The following GLYR1 variants were observed in gnomAD, a reference collection of about 807,000 sequenced individuals.
The protein encoded by GLYR1 is glyoxylate reductase 1 homolog.
In GLYR1, 21 loss-of-function variants were observed where a neutral mutation model predicts 72.7. That is an observed-to-expected ratio of 0.29 (90% CI 0.20 to 0.42). The LOEUF is 0.42. GLYR1 is among the 10% of genes least tolerant of loss of function. The pLI is 1.00. For missense variants in GLYR1, 594 were observed against 712.1 expected (o/e 0.83, Z 1.89); for synonymous variants, 392 against 270.2 (o/e 1.45, Z -4.42).
At chr16:4,813,920 T>A in intron 11 of GLYR1, 82 bp from the exon 12 acceptor site, 1 of 1,068,538 alleles carries the variant, frequency 9.4e-7, no homozygotes, top group Non-Finnish European at 1.3e-6. Flanking sequence ...ATCAGAATCC[T>A]GCTGCTGTTT....
chr16:4,822,573 T>C (rs185867938), intron 7 of GLYR1, among the ~76,000 whole-genome samples: 1 of 152,264 alleles, frequency 6.6e-6, no homozygotes, highest in African/African-American at 2.4e-5. Context: ...CTATTTTTAG[T>C]AGAGATGAGG....
chr16:4,838,611 G>C (rs11076850), intron 3 of GLYR1, among the ~76,000 whole-genome samples: 12,821 of 150,586 alleles, frequency 0.085, 559 homozygotes, highest in African/African-American at 0.11. Context: ...TTTTGAGACA[G>C]AGTCTCACTC....
chr16:4,834,605 A>T (rs1029211123), intron 3 of GLYR1, among the ~76,000 whole-genome samples: 1 of 152,124 alleles, frequency 6.6e-6, no homozygotes, highest in Non-Finnish European at 1.5e-5. Flanking sequence ...TGCTGGGACT[A>T]CAGGTATGCA....
chr16:4,829,194 C>T (rs983465911), intron 5 of GLYR1, among the ~76,000 whole-genome samples: 2 of 152,076 alleles, frequency 1.3e-5, no homozygotes, highest in Non-Finnish European at 2.9e-5. Flanking sequence ...GGCTGTCTCT[C>T]ACCAGAGGCC....
At chr16:4,840,863 T>C (rs987085996) in intron 3 of GLYR1, among the ~76,000 whole-genome samples, 2 of 152,212 alleles carry the variant, frequency 1.3e-5, no homozygotes, top group Non-Finnish European at 2.9e-5. Context: ...CTGGAGATCT[T>C]ACCTTCATAG....
Position 4,811,199 on chromosome 16 carries a change from G to T in GLYR1, c.1558C>A (p.Pro520Thr). The change falls in exon 15 of 16, where the codon CCG becomes ACG. Residue 520 changes from proline to threonine, a missense_variant. Coordinates refer to ENST00000321919, the MANE Select transcript of GLYR1 (RefSeq NM_032569.4). ...AIALGDAVNH[P>T]TPMAAAANEV... ...TTTGCTGCAGCTGCCATGGGAGTCGGATGGTTGACCGCATCACCCAGCGCA... is the reference window on the plus strand; with the variant it reads ...TTTGCTGCAGCTGCCATGGGAGTCGTATGGTTGACCGCATCACCCAGCGCA... 1 of 1,614,150 alleles carries T rather than the reference G, an allele frequency of 6.2e-7. No homozygotes were observed. Among genetic ancestry groups the T allele is most frequent in the Non-Finnish European group, 8.5e-7 (1 of 1,180,038 alleles).
intron 1 of GLYR1, 117 bp downstream of exon 1, chr16:4,847,111 C>T: frequency 8.2e-6 from 8 of 976,638 alleles, no homozygotes; most frequent in Non-Finnish European, 1.1e-5. Flanking sequence ...ACCTTCTCTT[C>T]CCCTCTCTCC....
chr16:4,835,254 G>C (rs898026078), intron 3 of GLYR1, among the ~76,000 whole-genome samples: 1 of 152,152 alleles, frequency 6.6e-6, no homozygotes. Flanking sequence ...GGAACAGAAA[G>C]GTGAGGATGT....
chr16:4,812,958 G>A (rs1314995640), intron 12 of GLYR1, among the ~76,000 whole-genome samples: 1 of 149,668 alleles, frequency 6.7e-6, no homozygotes, highest in Non-Finnish European at 1.5e-5. Flanking sequence ...CACCATGCCT[G>A]GCTAATTTTT....
At chr16:4,841,595 T>C (rs1465250853) in intron 3 of GLYR1, among the ~76,000 whole-genome samples, 1 of 150,190 alleles carries the variant, frequency 6.7e-6, no homozygotes, top group Non-Finnish European at 1.5e-5. Flanking sequence ...CAGTAAGCCA[T>C]GTCCGTGATA....
intron 6 of GLYR1, among the ~76,000 whole-genome samples, 157 bp downstream of exon 6, chr16:4,823,664 G>A (rs62036110): frequency 1.7e-4 from 25 of 150,056 alleles, no homozygotes; most frequent in African/African-American, 5.9e-4. Context: ...ACCCTAGAGG[G>A]AAATTTTTAA....
chr16:4,830,936 C>T (rs1319834924), intron 5 of GLYR1, among the ~76,000 whole-genome samples: 1 of 152,132 alleles, frequency 6.6e-6, no homozygotes, highest in Admixed American at 6.5e-5. Flanking sequence ...TACCCTTTTA[C>T]AAATTCACCT....
intron 5 of GLYR1, among the ~76,000 whole-genome samples, chr16:4,830,241 T>A (rs557769593): frequency 8.6e-4 from 127 of 147,060 alleles, no homozygotes; most frequent in African/African-American, 3.0e-3. Flanking sequence ...TTTTTTTTTT[T>A]AAGGGAAAGG....
intron 5 of GLYR1, among the ~76,000 whole-genome samples, chr16:4,829,900 C>T (rs181299362): frequency 1.3e-5 from 2 of 151,976 alleles, no homozygotes; most frequent in African/African-American, 4.8e-5. Context: ...CTCGAACTCC[C>T]GACCTGAGGT....
intron 15 of GLYR1, among the ~76,000 whole-genome samples, chr16:4,808,360 G>A (rs1167948619): frequency 6.6e-6 from 1 of 152,190 alleles, no homozygotes; most frequent in African/African-American, 2.4e-5. Flanking sequence ...ACTTAGGTAG[G>A]CTGAGGTGGG....
intron 7 of GLYR1, among the ~76,000 whole-genome samples, chr16:4,822,401 T>A (rs560435408): frequency 6.6e-6 from 1 of 151,096 alleles, no homozygotes; most frequent in African/African-American, 2.4e-5. Context: ...GGTTTATTTA[T>A]CTTTTTTGAG....
At chr16:4,832,636 A>G in intron 4 of GLYR1, 138 bp downstream of exon 4, 3 of 1,030,026 alleles carry the variant, frequency 2.9e-6, no homozygotes, top group Non-Finnish European at 4.2e-6. Context: ...AAACGCTGAC[A>G]CCTTAGAACT....
intron 8 of GLYR1, 43 bp downstream of exon 8, chr16:4,821,504 C>G (rs751459499): frequency 6.2e-7 from 1 of 1,613,832 alleles, no homozygotes; most frequent in Non-Finnish European, 8.5e-7. Context: ...CAGTTTAAGG[C>G]CCCAGGTGAA....
intron 11 of GLYR1, 66 bp from the exon 12 acceptor site, chr16:4,813,904 C>T (rs769204714): frequency 2.4e-6 from 3 of 1,242,662 alleles, no homozygotes; most frequent in East Asian, 2.5e-5. Flanking sequence ...GCCCTACAGA[C>T]CTCAGATCAG....
Sources: allele counts gnomAD v4.1 joint callset (sites outside exome capture counted in the v4.1 genomes callset), GRCh38; gene constraint gnomAD v4.1.1; transcripts MANE v1.5; gene names NCBI Gene and HGNC (gene_info 2026-07-23, HGNC 2026-07-21).